Variants in NFS1 observed in about 807,000 individuals in gnomAD.
NFS1 encodes the protein NFS1 cysteine desulfurase.
A neutral mutation model predicts 57.3 loss-of-function variants in NFS1; 26 were observed. That is an observed-to-expected ratio of 0.45 (90% CI 0.33 to 0.63). The LOEUF (loss-of-function observed/expected upper bound fraction) is 0.63, where lower values mean the gene tolerates loss of function less well. Ranked by LOEUF, NFS1 falls within the 20% of genes least tolerant of loss-of-function variation. NFS1 has a pLI of 0.02. For synonymous variants in NFS1, 209 were observed against 216.3 expected (o/e 0.97, Z 0.30); for missense variants, 505 against 605.8 (o/e 0.83, Z 1.75).
At chr20:35,683,652 C>T (rs11699793) in intron 5 of NFS1, among the ~76,000 whole-genome samples, 15,638 of 148,792 alleles carry the variant, frequency 0.11, 839 homozygotes, top group Middle Eastern at 0.15. Context: ...TGGTGGCACG[C>T]GCCCTGTAGT....
At chr20:35,698,348 C>A (rs2035176659) in intron 2 of NFS1, 133 bp downstream of exon 2, 1 of 697,468 alleles carries the variant, frequency 1.4e-6, no homozygotes, top group Non-Finnish European at 2.4e-6. Flanking sequence ...TTAAGCCTCC[C>A]GACTCCTCGC....
chr20:35,674,592 A>C lies in NFS1; in HGVS notation c.974T>G (p.Leu325Trp), dbSNP rs1287757251. The C allele has an allele frequency of 6.2e-7, 1 of 1,614,178 alleles. No homozygotes were observed. The highest frequency in any genetic ancestry group is 8.5e-7 in the Non-Finnish European group (1 of 1,180,024). The change falls in exon 9 of 13, where the codon TTG becomes TGG. Residue 325 changes from leucine to tryptophan, a missense_variant. Physicochemically the swap from Leu to Trp is moderately conservative, Grantham distance 61. Coordinates refer to ENST00000374092, the MANE Select transcript of NFS1 (RefSeq NM_021100.5). ...MEYDHKRISKLSERLIQNIMK... is the reference protein window; with the variant it reads ...MEYDHKRISKWSERLIQNIMK... The stretch of plus-strand genomic sequence containing the variant: ...TATATTCTGTATCAGCCGCTCTGAC[A>C]ACTTTGAGATTCGCTTGTGGTCATA...
At chr20:35,674,490 G>C (rs752163434) in intron 9 of NFS1, 22 bp downstream of exon 9, 8 of 1,611,744 alleles carry the variant, frequency 5.0e-6, no homozygotes, top group Non-Finnish European at 6.8e-6. Flanking sequence ...CCAGAATGAG[G>C]ATAGAAAGAG....
intron 5 of NFS1, among the ~76,000 whole-genome samples, chr20:35,685,925 A>T (rs2146427452): frequency 1.3e-5 from 2 of 149,506 alleles, no homozygotes; most frequent in South Asian, 2.1e-4. Flanking sequence ...TTCAAAATGA[A>T]TTCTTTCTTT....
rs1202650389 is a variant in NFS1, at chr20:35,690,485, G to C, written c.489C>G (p.Cys163Trp). The change falls in exon 5 of 13, where the codon TGC becomes TGG. Residue 163 changes from cysteine (C) to tryptophan (W), a missense_variant. By Grantham distance (215) the Cys-to-Trp change is radical. Coordinates refer to ENST00000374092, the MANE Select transcript of NFS1 (RefSeq NM_021100.5). ...QTEHKCVLDS[C>W]RSLEAEGFQV... ...GAAAGCCCTCAGCTTCCAGTGAACG[G>C]CAGGAGTCCAAGACACATTTGTGTT... 5 of 1,613,886 alleles carry C rather than the reference G, an allele frequency of 3.1e-6. No homozygotes were observed. Among genetic ancestry groups the C allele is most frequent in the Non-Finnish European group, 3.4e-6 (4 of 1,180,000 alleles).
chr20:35,683,023 A>G (rs1463481975), intron 5 of NFS1, among the ~76,000 whole-genome samples: 2 of 151,936 alleles, frequency 1.3e-5, no homozygotes, highest in Non-Finnish European at 2.9e-5. Flanking sequence ...GCTTGCAGTG[A>G]GCGGAGATCA....
intron 4 of NFS1, among the ~76,000 whole-genome samples, chr20:35,695,964 T>C (rs1028940929): frequency 1.3e-5 from 2 of 151,810 alleles, no homozygotes; most frequent in South Asian, 2.1e-4. Context: ...CACTTGAACC[T>C]GGGAGGTGGA....
chr20:35,675,111 C>A lies in NFS1; in HGVS notation c.882G>T (p.Gly294=). 6.2e-7 allele frequency: 1 copy of A among 1,614,078 alleles called. No individual in the cohort carries two copies. The highest frequency in any genetic ancestry group is 1.1e-5 in the South Asian group (1 of 91,084). ...CCACCACTAAGGGTGTGGGCACTGT[C>A]CCAGACCGCATACCCCGCTCCTGCC... ...GGGQERGMRS[G]TVPTPLVVGL... is the part of the protein sequence containing the mutation. Residue 294 remains glycine, a synonymous_variant, in exon 8 of 13, where the codon GGG becomes GGT. Coordinates refer to ENST00000374092, the MANE Select transcript of NFS1 (RefSeq NM_021100.5).
At chr20:35,692,047 G>T (rs2035050778) in intron 4 of NFS1, among the ~76,000 whole-genome samples, 1 of 151,924 alleles carries the variant, frequency 6.6e-6, no homozygotes, top group South Asian at 2.1e-4. Context: ...TTAGCCAGGC[G>T]TGGTAGTACA....
chr20:35,681,292 G>T (rs763036369), intron 6 of NFS1, among the ~76,000 whole-genome samples: 11 of 152,058 alleles, frequency 7.2e-5, no homozygotes, highest in Non-Finnish European at 1.0e-4. Context: ...AAATTACAGG[G>T]CGATCTCTAT....
At chr20:35,693,615 C>T (rs564827437) in intron 4 of NFS1, among the ~76,000 whole-genome samples, 25 of 152,192 alleles carry the variant, frequency 1.6e-4, no homozygotes, top group Admixed American at 1.2e-3. Flanking sequence ...ATCACATGAG[C>T]CCAGGAGTTC....
At chr20:35,685,186 A>G (rs2034918141) in intron 5 of NFS1, among the ~76,000 whole-genome samples, 1 of 151,240 alleles carries the variant, frequency 6.6e-6, no homozygotes, top group Non-Finnish European at 1.5e-5. Flanking sequence ...GCACCTGGCC[A>G]AGGGAGACCC....
chr20:35,678,508 A>C (rs1248503667), intron 7 of NFS1, among the ~76,000 whole-genome samples: 1 of 145,682 alleles, frequency 6.9e-6, no homozygotes, highest in African/African-American at 2.6e-5. Flanking sequence ...AGCCTGGGGG[A>C]CAAGAGCGAG....
intron 12 of NFS1, among the ~76,000 whole-genome samples, chr20:35,671,658 G>C (rs1038743934): frequency 6.6e-6 from 1 of 152,068 alleles, no homozygotes; most frequent in African/African-American, 2.4e-5. Flanking sequence ...GGGAGGCCAA[G>C]ACAGGAGGAC....
At chr20:35,681,003 C>T (rs949815389) in intron 6 of NFS1, 132 bp from the exon 7 acceptor site, 2 of 648,418 alleles carry the variant, frequency 3.1e-6, no homozygotes, top group Middle Eastern at 4.4e-4. Flanking sequence ...CCTCCTTCTA[C>T]CCCTTCTCCT....
At chr20:35,688,060 A>G (rs1378246562) in intron 5 of NFS1, among the ~76,000 whole-genome samples, 1 of 152,202 alleles carries the variant, frequency 6.6e-6, no homozygotes, top group East Asian at 1.9e-4. Flanking sequence ...CCTGGCCAAC[A>G]TGGTGAAACC....
At chr20:35,696,872 T>G (rs2035143098) in intron 3 of NFS1, among the ~76,000 whole-genome samples, 1 of 152,166 alleles carries the variant, frequency 6.6e-6, no homozygotes, top group Admixed American at 6.5e-5. Flanking sequence ...TTTGGGAGGC[T>G]GAGGCAGGTG....
At position 35,688,314 on chromosome 20, in the gene NFS1, G is replaced by C. The variant is rs6142428; in HGVS notation, c.561+2099C>G. ...TCTTGCCTATAATCCCAGCACTTTG[G>C]GGGGCCAAGACGGGTGGATCATTTG... is the stretch of plus-strand genomic sequence containing the variant. On this transcript the variant is annotated intron_variant, in intron 5 of 12. Coordinates refer to ENST00000374092, the MANE Select transcript of NFS1 (RefSeq NM_021100.5). 4.3e-4 allele frequency among the ~76,000 whole-genome samples: 66 copies of C among 151,884 alleles called. No homozygotes were observed. The East Asian group carries it at 9.3e-3, about 21-fold the overall frequency.
chr20:35,674,908 A>G (rs1452660804), intron 8 of NFS1, 137 bp downstream of exon 8: 9 of 1,180,586 alleles, frequency 7.6e-6, no homozygotes, highest in Non-Finnish European at 1.1e-5. Flanking sequence ...ACAAGGTGCC[A>G]GCAGCACCAG....
Sources: allele counts gnomAD v4.1 joint callset (sites outside exome capture counted in the v4.1 genomes callset), GRCh38; gene constraint gnomAD v4.1.1; transcripts MANE v1.5; gene names NCBI Gene and HGNC (gene_info 2026-07-23, HGNC 2026-07-21).